CYP19A1: variants seen among roughly 807,000 people sequenced by gnomAD.
The protein encoded by CYP19A1 is cytochrome P450 family 19 subfamily A member 1, also known as aromatase.
CYP19A1 carries 32 observed loss-of-function variants against 44.4 expected under a neutral mutation model. The observed-to-expected ratio is 0.72, with a 90% CI of 0.54 to 0.97. CYP19A1 has a LOEUF of 0.97. CYP19A1 is among the 50% of genes least tolerant of loss of function. The pLI, the probability that CYP19A1 is intolerant of heterozygous loss-of-function variation, is 0.00. For missense variants in CYP19A1, 598 were observed against 637.8 expected (o/e 0.94, Z 0.67); for synonymous variants, 212 against 215.6 (o/e 0.98, Z 0.14).
intron 1 of CYP19A1, among the ~76,000 whole-genome samples, chr15:51,269,258 C>T (rs914218841): frequency 6.6e-6 from 1 of 151,964 alleles, no homozygotes. Flanking sequence ...TATCCAGCAC[C>T]GTTTTTTTGA....
rs60421340 is a variant in CYP19A1, at chr15:51,256,274, C to T, written c.-38-13324G>A. ...TCTTCAGCAGGCTTAGCTGTACAAT[C>T]TTTAGGTCTTATGGAAACTATACAA... On this transcript the variant is annotated intron_variant, in intron 1 of 9. Transcript: ENST00000396402. Among the ~76,000 whole-genome samples, 657 of 152,312 alleles carry T rather than the reference C, an allele frequency of 4.3e-3. 4 individuals are homozygous for T. Among genetic ancestry groups the T allele is most frequent in the African/African-American group, 0.015 (639 of 41,564 alleles).
intron 1 of CYP19A1, among the ~76,000 whole-genome samples, chr15:51,260,917 A>T (rs1327557692): frequency 6.6e-6 from 1 of 152,166 alleles, no homozygotes; most frequent in Non-Finnish European, 1.5e-5. Context: ...TTGCAACTGC[A>T]CACTCTTCTG....
At chr15:51,252,251 C>A (rs1434271834) in intron 1 of CYP19A1, among the ~76,000 whole-genome samples, 1 of 152,134 alleles carries the variant, frequency 6.6e-6, no homozygotes, top group Non-Finnish European at 1.5e-5. Flanking sequence ...TCTGGAGAAA[C>A]ACACTCGGGA....
At chr15:51,271,079 A>G (rs1191519854) in intron 1 of CYP19A1, among the ~76,000 whole-genome samples, 1 of 151,728 alleles carries the variant, frequency 6.6e-6, no homozygotes, top group Non-Finnish European at 1.5e-5. Context: ...CTTTGCAGAG[A>G]ACGTCTCCTT....
intron 9 of CYP19A1, chr15:51,211,610 T>G (rs763461925): frequency 2.6e-5 from 11 of 416,272 alleles, no homozygotes; most frequent in South Asian, 1.7e-4. Flanking sequence ...TTACATAGCA[T>G]TATCTGGATT....
At chr15:51,278,162 G>T (rs925579564) in intron 1 of CYP19A1, 2 of 152,006 alleles carry the variant, frequency 1.3e-5, no homozygotes, top group East Asian at 3.9e-4. Context: ...GAGATCAGTT[G>T]CTTAGAGACC....
intron 1 of CYP19A1, among the ~76,000 whole-genome samples, chr15:51,243,459 T>G (rs1405784347): frequency 6.6e-6 from 1 of 152,186 alleles, no homozygotes; most frequent in African/African-American, 2.4e-5. Context: ...TAAGAACACA[T>G]TTCTTGGGCA....
intron 1 of CYP19A1, among the ~76,000 whole-genome samples, chr15:51,307,311 C>T (rs1372264203): frequency 6.6e-6 from 1 of 152,170 alleles, no homozygotes; most frequent in Non-Finnish European, 1.5e-5. Context: ...ATCAAAAGGA[C>T]ATGATGCCAC....
intron 1 of CYP19A1, among the ~76,000 whole-genome samples, chr15:51,267,294 C>G (rs1039506158): frequency 6.6e-6 from 1 of 152,148 alleles, no homozygotes; most frequent in East Asian, 1.9e-4. Context: ...CGGTCGGTGC[C>G]GCCCGCAGAA....
intron 5 of CYP19A1, chr15:51,221,510 T>C (rs910995055): frequency 2.0e-5 from 3 of 152,212 alleles, no homozygotes; most frequent in African/African-American, 7.2e-5. Context: ...GTCCAGTGAA[T>C]TCCATTCCTG....
At chr15:51,273,426 T>G (rs2035198638) in intron 1 of CYP19A1, among the ~76,000 whole-genome samples, 1 of 152,212 alleles carries the variant, frequency 6.6e-6, no homozygotes, top group South Asian at 2.1e-4. Context: ...ATTTAATAAC[T>G]TTCATAGTTT....
chr15:51,227,934 C>G lies in CYP19A1; in HGVS notation c.297-1G>C, dbSNP rs768157788. 1 of 1,575,590 alleles carries G rather than the reference C, an allele frequency of 6.3e-7. No individual in the cohort carries two copies. The highest frequency in any genetic ancestry group is 2.2e-5 in the East Asian group (1 of 44,682). The stretch of plus-strand genomic sequence containing the variant: ...CATTATGTGGAACATACTTGAGGAC[C>G]TGAAAAGACAGGAAACTTTGGTGTC... On this transcript the variant is annotated splice_acceptor_variant, in intron 3 of 9. Coordinates refer to ENST00000396402, the MANE Select transcript of CYP19A1 (RefSeq NM_000103.4). LOFTEE classifies it high-confidence loss of function.
chr15:51,237,411 C>T (rs1191780896), intron 2 of CYP19A1, among the ~76,000 whole-genome samples: 1 of 152,102 alleles, frequency 6.6e-6, no homozygotes, highest in African/African-American at 2.4e-5. Context: ...CTGTTTGGCG[C>T]CTAGTTTTTT....
chr15:51,335,492 CT>C (rs571024494), intron 1 of CYP19A1, among the ~76,000 whole-genome samples: 12 of 152,324 alleles, frequency 7.9e-5, no homozygotes, highest in South Asian at 2.1e-4. Context: ...ACAAAAACCC[CT>C]ACTAGTATCA....
chr15:51,308,574 C>T (rs1362316793), intron 1 of CYP19A1, among the ~76,000 whole-genome samples: 1 of 152,102 alleles, frequency 6.6e-6, no homozygotes, highest in East Asian at 1.9e-4. Context: ...GGTCTCCTTT[C>T]CCCAAACTCC....
Position 51,210,352 on chromosome 15 carries a change from A to G in CYP19A1, c.*456T>C. 1 of 486,130 alleles carries G rather than the reference A, an allele frequency of 2.1e-6. No individual in the cohort carries two copies. The allele number at this position is 486,130 out of a possible 1,614,324, so 30.1% of individuals were successfully genotyped here. A position where few individuals can be genotyped will look rare whatever the true frequency, so the allele number is the denominator to read the frequency against. ...ACAGAAAACAAAATTAAAGTACTTT[A>G]ATTCACACTAGCAGGTGGGTTTGGC... is the stretch of plus-strand genomic sequence containing the variant. On this transcript the variant is annotated 3_prime_UTR_variant, in exon 10 of 10. Coordinates refer to ENST00000396402, the MANE Select transcript of CYP19A1 (RefSeq NM_000103.4).
chr15:51,235,543 T>C (rs1157204403), intron 3 of CYP19A1, among the ~76,000 whole-genome samples: 1 of 152,220 alleles, frequency 6.6e-6, no homozygotes, highest in African/African-American at 2.4e-5. Flanking sequence ...TTAAAAGTGC[T>C]ACAACACAAA....
intron 1 of CYP19A1, among the ~76,000 whole-genome samples, chr15:51,281,275 A>G (rs974425540): frequency 2.0e-5 from 3 of 152,236 alleles, no homozygotes; most frequent in African/African-American, 7.2e-5. Context: ...AACTGTTCTT[A>G]GAAGAGGCCT....
intron 1 of CYP19A1, among the ~76,000 whole-genome samples, chr15:51,274,581 A>G (rs780614716): frequency 6.6e-6 from 1 of 152,214 alleles, no homozygotes; most frequent in Non-Finnish European, 1.5e-5. Flanking sequence ...TCCCAGTTGT[A>G]TGAAAGAGCC....
Sources: gnomAD v4.1 joint callset for allele counts (sites outside exome capture counted in the v4.1 genomes callset) on GRCh38, gnomAD v4.1.1 for gene constraint, MANE v1.5 for transcripts, NCBI Gene and HGNC (gene_info 2026-07-23, HGNC 2026-07-21) for gene names.